TNKS: variants seen among roughly 807,000 people sequenced by gnomAD.
TNKS encodes the protein poly [ADP-ribose] polymerase tankyrase-1.
A neutral mutation model predicts 135.8 loss-of-function variants in TNKS; 72 were observed. That is an observed-to-expected ratio of 0.53 (90% CI 0.44 to 0.64). The LOEUF is 0.64. TNKS is among the 30% of genes least tolerant of loss of function. The pLI, the probability that TNKS is intolerant of heterozygous loss-of-function variation, is 0.00. For missense variants in TNKS, 1,769 were observed against 1,674.0 expected, an observed-to-expected ratio of 1.06 and a Z score of -0.99; for synonymous variants, 849 against 649.3, an observed-to-expected ratio of 1.31 and a Z score of -4.68.
In TNKS at chr8:9,736,400, A is replaced by G. The variant is rs867918947; in HGVS notation, c.2643+914A>G. Among the ~76,000 whole-genome samples the G allele has an allele frequency of 3.3e-5, 5 of 151,556 alleles. 1 individual carries two copies. Among genetic ancestry groups the G allele is most frequent in the African/African-American group, 1.2e-4 (5 of 41,416 alleles). On this transcript the variant is annotated intron_variant, in intron 17 of 26. Coordinates refer to ENST00000310430, the MANE Select transcript of TNKS (RefSeq NM_003747.3). Reference sequence around the variant, plus strand: ...TTAAATGGTTGAGCAGTTGATATATATGGTTTCAGAGAGTAGGAATTACTA... The same window carrying G: ...TTAAATGGTTGAGCAGTTGATATATGTGGTTTCAGAGAGTAGGAATTACTA...
chr8:9,561,104 A>G (rs925083999), intron 1 of TNKS, among the ~76,000 whole-genome samples: 1 of 152,234 alleles, frequency 6.6e-6, no homozygotes, highest in Non-Finnish European at 1.5e-5. Context: ...TCCTACATAT[A>G]TGTTCTTTTA....
chr8:9,684,601 A>G lies in TNKS; in HGVS notation c.1107+3801A>G, dbSNP rs1216148510. On this transcript the variant is annotated intron_variant, in intron 5 of 26. Coordinates refer to ENST00000310430, the MANE Select transcript of TNKS (RefSeq NM_003747.3). ...ATAGAAATAATATGTATCTTTGAAT[A>G]TATCTACTCTGCCTACTGTTGCTAC... Among the ~76,000 whole-genome samples, 3 of 152,118 alleles carry G rather than the reference A, an allele frequency of 2.0e-5. No homozygotes were observed. The South Asian group carries it at 6.2e-4, about 31-fold the overall frequency.
intron 3 of TNKS, among the ~76,000 whole-genome samples, chr8:9,679,559 T>C (rs1365703830): frequency 3.3e-5 from 5 of 152,172 alleles, no homozygotes; most frequent in Non-Finnish European, 5.9e-5. Flanking sequence ...AAGAGCCACA[T>C]TATTTTGCTT....
chr8:9,628,387 A>C (rs1012290705), intron 3 of TNKS, among the ~76,000 whole-genome samples: 5 of 152,060 alleles, frequency 3.3e-5, no homozygotes, highest in African/African-American at 1.2e-4. Context: ...TGAGTTTTTT[A>C]AGAAACTCTG....
intron 1 of TNKS, among the ~76,000 whole-genome samples, chr8:9,559,219 T>A (rs1327085778): frequency 6.6e-6 from 1 of 152,114 alleles, no homozygotes; most frequent in African/African-American, 2.4e-5. Context: ...TCTAGAGTGA[T>A]AGGAAACGTA....
chr8:9,765,214 T>C (rs1279458487), intron 23 of TNKS, among the ~76,000 whole-genome samples: 2 of 152,170 alleles, frequency 1.3e-5, no homozygotes, highest in South Asian at 2.1e-4. Context: ...ATTTATAATA[T>C]GGAACAGATG....
chr8:9,609,409 C>T (rs973777852), intron 2 of TNKS, among the ~76,000 whole-genome samples: 6 of 152,190 alleles, frequency 3.9e-5, no homozygotes, highest in Non-Finnish European at 7.3e-5. Context: ...AGGACCAGTT[C>T]ACATCTATTT....
chr8:9,603,774 G>T (rs1201560264), intron 2 of TNKS, among the ~76,000 whole-genome samples: 7 of 152,142 alleles, frequency 4.6e-5, no homozygotes, highest in African/African-American at 9.7e-5. Context: ...GTGCATCAAA[G>T]AAATGTTTAT....
chr8:9,704,809 C>T, intron 6 of TNKS, 52 bp downstream of exon 6: 1 of 1,447,018 alleles, frequency 6.9e-7, no homozygotes. Context: ...GTCTGATACT[C>T]TAAACTTTTA....
intron 3 of TNKS, among the ~76,000 whole-genome samples, chr8:9,646,878 T>G (rs1252015780): frequency 6.6e-6 from 1 of 152,166 alleles, no homozygotes; most frequent in Non-Finnish European, 1.5e-5. Context: ...GTTCATCAAG[T>G]ATTTGAAGAG....
intron 1 of TNKS, chr8:9,558,231 C>T (rs761273962): frequency 2.6e-5 from 4 of 152,018 alleles, no homozygotes; most frequent in Non-Finnish European, 4.4e-5. Context: ...ATTAATGGGT[C>T]GTGACCAGTG....
chr8:9,701,217 G>T (rs1175020892), intron 5 of TNKS, among the ~76,000 whole-genome samples: 1 of 152,166 alleles, frequency 6.6e-6, no homozygotes, highest in African/African-American at 2.4e-5. Flanking sequence ...GATTACAGGC[G>T]TGAGCCACCA....
intron 1 of TNKS, among the ~76,000 whole-genome samples, chr8:9,568,381 T>G (rs1185808057): frequency 1.3e-5 from 2 of 152,192 alleles, no homozygotes; most frequent in African/African-American, 4.8e-5. Flanking sequence ...ATGCAGTGTT[T>G]CTCAAACTTT....
At chr8:9,659,592 AG>A (rs1483359868) in intron 3 of TNKS, among the ~76,000 whole-genome samples, 2 of 152,198 alleles carry the variant, frequency 1.3e-5, no homozygotes, top group Non-Finnish European at 2.9e-5. Context: ...AGCAGTGTGT[AG>A]AGGGAAATTT....
At position 9,779,381 on chromosome 8, in the gene TNKS, T is replaced by G. The variant is rs1373398046; in HGVS notation, c.*2645T>G. 6.6e-6 allele frequency: 1 copy of G among 152,348 alleles called. No homozygotes were observed. The highest frequency in any genetic ancestry group is 2.4e-5 in the African/African-American group (1 of 41,426). 9.4% of individuals were successfully genotyped at this position (152,348 alleles called of 1,614,324 possible). ...ATACTAGCAAGTTAGGATCATCCAATATGGCCTACCCCGAAATGGCCCCTC... is the reference window on the plus strand; with the variant it reads ...ATACTAGCAAGTTAGGATCATCCAAGATGGCCTACCCCGAAATGGCCCCTC... On this transcript the variant is annotated 3_prime_UTR_variant, in exon 27 of 27. Transcript: ENST00000310430.
intron 20 of TNKS, among the ~76,000 whole-genome samples, chr8:9,759,916 A>G (rs1807051625): frequency 6.6e-6 from 1 of 151,956 alleles, no homozygotes; most frequent in South Asian, 2.1e-4. Flanking sequence ...CGGAGGTTGC[A>G]GTGAGCCGCT....
At chr8:9,571,679 G>C (rs1402915869) in intron 1 of TNKS, among the ~76,000 whole-genome samples, 1 of 152,032 alleles carries the variant, frequency 6.6e-6, no homozygotes, top group African/African-American at 2.4e-5. Context: ...GGATGTTCTC[G>C]ATCTCCTGAC....
At chr8:9,725,837 T>C (rs1167637051) in intron 12 of TNKS, among the ~76,000 whole-genome samples, 1 of 152,224 alleles carries the variant, frequency 6.6e-6, no homozygotes, top group Non-Finnish European at 1.5e-5. Flanking sequence ...CAATGTGAAA[T>C]GAATTTTCAG....
chr8:9,654,814 C>G (rs1449296540), intron 3 of TNKS, among the ~76,000 whole-genome samples: 1 of 152,172 alleles, frequency 6.6e-6, no homozygotes, highest in East Asian at 1.9e-4. Context: ...CAGCTCCCAG[C>G]GTGAGCGACA....
Sources: allele counts gnomAD v4.1 joint callset (sites outside exome capture counted in the v4.1 genomes callset), GRCh38; gene constraint gnomAD v4.1.1; transcripts MANE v1.5; gene names NCBI Gene and HGNC (gene_info 2026-07-23, HGNC 2026-07-21).